Variants in STK32B observed in about 807,000 individuals in gnomAD.
STK32B encodes serine/threonine kinase 32B, also known as serine/threonine-protein kinase 32B.
Under a neutral mutation model 52.6 loss-of-function variants are expected in STK32B, and 43 were observed. The observed-to-expected ratio is 0.82, with a 90% confidence interval of 0.64 to 1.05. The LOEUF (loss-of-function observed/expected upper bound fraction) is 1.05. Among genes scored for constraint, STK32B ranks in the 50% least tolerant of loss-of-function variants. The probability of loss-of-function intolerance (pLI) is 0.00; values close to 1 mark genes in which losing one functional copy is unlikely to be tolerated. For synonymous variants in STK32B, 238 were observed against 204.3 expected (o/e 1.17, Z -1.41); for missense variants, 621 against 534.6 (o/e 1.16, Z -1.59).
intron 3 of STK32B, among the ~76,000 whole-genome samples, chr4:5,233,578 A>G (rs770906189): frequency 6.6e-6 from 1 of 151,914 alleles, no homozygotes. Context: ...ATATTTCAAG[A>G]CTGGAGCAAT....
At chr4:5,277,653 A>T (rs1416120517) in intron 3 of STK32B, among the ~76,000 whole-genome samples, 2 of 152,230 alleles carry the variant, frequency 1.3e-5, no homozygotes, top group Admixed American at 1.3e-4. Context: ...AAAAGATATT[A>T]AAAGCTGCAC....
chr4:5,316,181 A>ATATTATATATAC (rs1560309996), intron 3 of STK32B, among the ~76,000 whole-genome samples: 1 of 91,654 alleles, frequency 1.1e-5, no homozygotes, highest in Admixed American at 1.6e-4. Context: ...ATATATAACT[A>ATATTATATATAC]AATATATATA....
intron 2 of STK32B, among the ~76,000 whole-genome samples, chr4:5,145,711 G>C (rs1716859374): frequency 6.6e-6 from 1 of 152,116 alleles, no homozygotes; most frequent in South Asian, 2.1e-4. Context: ...TGGGTTGTTT[G>C]TCTTATTTAA....
intron 3 of STK32B, among the ~76,000 whole-genome samples, chr4:5,319,677 T>G (rs1577343456): frequency 6.6e-6 from 1 of 152,294 alleles, no homozygotes; most frequent in South Asian, 2.1e-4. Context: ...CCTCTCTGGT[T>G]CTATCAACCA....
Position 5,159,730 on chromosome 4 carries a change from T to TATATATGA in STK32B, c.109-8563_109-8562insGAATATAT, listed in dbSNP as rs1553840522. 2.3e-4 allele frequency among the ~76,000 whole-genome samples: 24 copies of TATATATGA among 105,700 alleles called. 3 individuals carry two copies. Among genetic ancestry groups the TATATATGA allele is most frequent in the African/African-American group, 1.6e-3 (21 of 13,014 alleles). The allele number at this position is 105,700 out of a possible 152,430, so 69.3% of individuals were successfully genotyped here. On this transcript the variant is annotated intron_variant, in intron 2 of 11. Coordinates refer to ENST00000282908, the MANE Select transcript of STK32B (RefSeq NM_018401.3). ...GAATATATATATGAATGTATATGAA[T>TATATATGA]ATATATATGAATATATGAATGTATA...
At chr4:5,262,671 C>T (rs1161501756) in intron 3 of STK32B, among the ~76,000 whole-genome samples, 4 of 151,374 alleles carry the variant, frequency 2.6e-5, no homozygotes, top group African/African-American at 9.7e-5. Context: ...AAGAGACAGC[C>T]ACAATATATG....
chr4:5,387,083 C>T (rs946744535), intron 4 of STK32B, among the ~76,000 whole-genome samples: 4 of 152,152 alleles, frequency 2.6e-5, no homozygotes, highest in East Asian at 1.9e-4. Flanking sequence ...GAGAGCTGGG[C>T]GGTGGCCCCT....
intron 3 of STK32B, among the ~76,000 whole-genome samples, chr4:5,328,174 C>A (rs1732000147): frequency 6.6e-6 from 1 of 152,234 alleles, no homozygotes; most frequent in Non-Finnish European, 1.5e-5. Flanking sequence ...CTGATTTGAT[C>A]TTCTGTCTAG....
chr4:5,338,224 C>A (rs1320155697), intron 4 of STK32B, among the ~76,000 whole-genome samples: 1 of 151,984 alleles, frequency 6.6e-6, no homozygotes, highest in Non-Finnish European at 1.5e-5. Context: ...AACTTTGATA[C>A]AAATAACAGA....
At chr4:5,240,028 T>G (rs896868926) in intron 3 of STK32B, among the ~76,000 whole-genome samples, 4 of 150,944 alleles carry the variant, frequency 2.6e-5, no homozygotes, top group African/African-American at 9.9e-5. Context: ...CTCCCTTTTT[T>G]TCTCTTTCCC....
chr4:5,172,669 A>C (rs1313582543), intron 3 of STK32B, among the ~76,000 whole-genome samples: 1 of 152,176 alleles, frequency 6.6e-6, no homozygotes, highest in Non-Finnish European at 1.5e-5. Flanking sequence ...CCACTTGATC[A>C]TGGTGGATAA....
intron 3 of STK32B, among the ~76,000 whole-genome samples, chr4:5,190,429 G>A (rs537916463): frequency 1.3e-5 from 2 of 152,274 alleles, no homozygotes; most frequent in African/African-American, 4.8e-5. Context: ...AAAACCTGTA[G>A]AGGAGTGGGC....
chr4:5,279,404 G>T (rs957725190), intron 3 of STK32B, among the ~76,000 whole-genome samples: 1 of 152,034 alleles, frequency 6.6e-6, no homozygotes, highest in African/African-American at 2.4e-5. Context: ...TTCACATCCA[G>T]GCCACACTGA....
chr4:5,249,482 CCTTCCTTCCTTCCTTCCTT>C (rs1560259390), intron 3 of STK32B, among the ~76,000 whole-genome samples: 115 of 142,416 alleles, frequency 8.1e-4, no homozygotes, highest in African/African-American at 2.8e-3. Context: ...TTCCTTCCTT[CCTTCCTTCCTTCCTTCCTT>C]CCTCCCTCCC....
intron 3 of STK32B, among the ~76,000 whole-genome samples, chr4:5,313,444 G>A (rs1271204705): frequency 2.0e-5 from 3 of 150,342 alleles, no homozygotes; most frequent in Non-Finnish European, 4.4e-5. Flanking sequence ...CCTAAGATTG[G>A]GCACAAGGTA....
At chr4:5,224,114 T>C (rs555819320) in intron 3 of STK32B, among the ~76,000 whole-genome samples, 4 of 152,352 alleles carry the variant, frequency 2.6e-5, no homozygotes, top group Admixed American at 2.0e-4. Context: ...CTTTGGACTT[T>C]AAAGTTGATT....
chr4:5,402,726 A>G (rs1388945056), intron 5 of STK32B, among the ~76,000 whole-genome samples: 1 of 152,174 alleles, frequency 6.6e-6, no homozygotes, highest in African/African-American at 2.4e-5. Context: ...GGTGGATCTA[A>G]TCTGCAGCCA....
intron 3 of STK32B, among the ~76,000 whole-genome samples, chr4:5,183,485 A>AG (rs1720511227): frequency 6.6e-6 from 1 of 152,040 alleles, no homozygotes; most frequent in Non-Finnish European, 1.5e-5. Flanking sequence ...CTCAAAAAAA[A>AG]AAAAAAATTA....
chr4:5,485,321 G>GA (rs1263011123), intron 11 of STK32B, among the ~76,000 whole-genome samples: 1 of 151,820 alleles, frequency 6.6e-6, no homozygotes, highest in African/African-American at 2.4e-5. Flanking sequence ...TTCTCTTCTC[G>GA]ATTCTTTTCA....
Sources: gnomAD v4.1 joint callset for allele counts (sites outside exome capture counted in the v4.1 genomes callset) on GRCh38, gnomAD v4.1.1 for gene constraint, MANE v1.5 for transcripts, NCBI Gene and HGNC (gene_info 2026-07-23, HGNC 2026-07-21) for gene names.